Variants in PAPPA2 observed in about 807,000 individuals in gnomAD.
PAPPA2 encodes pappalysin 2.
In PAPPA2, 86 loss-of-function variants were observed where a neutral mutation model predicts 176.4. That is an observed-to-expected ratio of 0.49 (90% CI 0.41 to 0.58). The LOEUF is 0.58. Among genes scored for constraint, PAPPA2 ranks in the 20% least tolerant of loss-of-function variants. PAPPA2 has a pLI of 0.00. For synonymous variants in PAPPA2, 809 were observed against 852.2 expected (o/e 0.95, Z 0.88); for missense variants, 2,073 against 2,256.9 (o/e 0.92, Z 1.65).
At chr1:176,555,196 A>G in intron 1 of PAPPA2, among the ~76,000 whole-genome samples, 1 of 152,242 alleles carries the variant, frequency 6.6e-6, no homozygotes, top group South Asian at 2.1e-4. Context: ...GAAGGAGGGG[A>G]CAGGGAGGAG....
At chr1:176,633,172 A>C (rs1053240571) in intron 3 of PAPPA2, among the ~76,000 whole-genome samples, 2 of 152,210 alleles carry the variant, frequency 1.3e-5, no homozygotes, top group Non-Finnish European at 2.9e-5. Context: ...GTCAGAGTGC[A>C]TTATGAGAGT....
At chr1:176,528,007 C>G (rs1054876709) in intron 1 of PAPPA2, among the ~76,000 whole-genome samples, 4 of 152,338 alleles carry the variant, frequency 2.6e-5, no homozygotes, top group African/African-American at 9.6e-5. Flanking sequence ...AGTCCTGCAT[C>G]ATGGAAACCC....
chr1:176,639,558 T>C (rs369952316), intron 3 of PAPPA2, among the ~76,000 whole-genome samples: 6 of 152,230 alleles, frequency 3.9e-5, no homozygotes, highest in Admixed American at 3.3e-4. Context: ...TCTTCCATTT[T>C]CCCTGCCTAC....
intron 1 of PAPPA2, among the ~76,000 whole-genome samples, chr1:176,550,223 T>C (rs1650866702): frequency 6.6e-6 from 1 of 152,250 alleles, no homozygotes; most frequent in South Asian, 2.1e-4. Context: ...CTCAGTGTCC[T>C]CATCTGTAAG....
chr1:176,739,825 T>C, intron 13 of PAPPA2, 64 bp downstream of exon 13: 1 of 1,590,890 alleles, frequency 6.3e-7, no homozygotes, highest in Non-Finnish European at 8.6e-7. Flanking sequence ...AGAAGTCAGC[T>C]TGATGTCTGT....
intron 19 of PAPPA2, 88 bp downstream of exon 19, chr1:176,791,570 G>A (rs767629848): frequency 1.4e-6 from 2 of 1,440,188 alleles, no homozygotes; most frequent in Non-Finnish European, 1.9e-6. Context: ...ATTTATTTTT[G>A]TCAGACGGAG....
chr1:176,493,784 A>G (rs1647439059), intron 1 of PAPPA2, among the ~76,000 whole-genome samples: 1 of 152,212 alleles, frequency 6.6e-6, no homozygotes, highest in South Asian at 2.1e-4. Flanking sequence ...AATGGGAGAC[A>G]CACTTGGGCA....
At chr1:176,814,374 C>T (rs528083607) in intron 21 of PAPPA2, among the ~76,000 whole-genome samples, 1 of 152,122 alleles carries the variant, frequency 6.6e-6, no homozygotes, top group Non-Finnish European at 1.5e-5. Context: ...TTACGTTGGA[C>T]AGTATGACCA....
chr1:176,613,734 T>C (rs1342865767), intron 3 of PAPPA2, among the ~76,000 whole-genome samples: 1 of 152,188 alleles, frequency 6.6e-6, no homozygotes. Flanking sequence ...TAGATGATTC[T>C]GGGGAAGGAG....
At chr1:176,597,640 A>C (rs1654056817) in intron 3 of PAPPA2, among the ~76,000 whole-genome samples, 1 of 152,150 alleles carries the variant, frequency 6.6e-6, no homozygotes, top group Non-Finnish European at 1.5e-5. Flanking sequence ...CTATGTAACA[A>C]ACCTGCACGT....
chr1:176,752,865 T>C (rs563702653), intron 14 of PAPPA2, among the ~76,000 whole-genome samples: 2 of 152,340 alleles, frequency 1.3e-5, no homozygotes, highest in Admixed American at 1.3e-4. Context: ...ACACGAAAGA[T>C]GTCTTTAGCC....
intron 4 of PAPPA2, among the ~76,000 whole-genome samples, chr1:176,675,397 G>A (rs1458519642): frequency 6.6e-6 from 1 of 151,946 alleles, no homozygotes; most frequent in Non-Finnish European, 1.5e-5. Flanking sequence ...CTTTAATTAT[G>A]ATTAATATGT....
At chr1:176,696,567 G>C (rs1421507071) in intron 7 of PAPPA2, among the ~76,000 whole-genome samples, 1 of 152,024 alleles carries the variant, frequency 6.6e-6, no homozygotes, top group East Asian at 1.9e-4. Flanking sequence ...ATATTAATGC[G>C]CCTAAGACAA....
intron 12 of PAPPA2, among the ~76,000 whole-genome samples, chr1:176,739,249 C>T (rs1236742234): frequency 6.6e-6 from 1 of 152,118 alleles, no homozygotes; most frequent in African/African-American, 2.4e-5. Context: ...CCACTGTTTT[C>T]ACTTTGGCAA....
intron 12 of PAPPA2, among the ~76,000 whole-genome samples, chr1:176,720,015 C>G (rs992291319): frequency 3.9e-5 from 6 of 152,106 alleles, no homozygotes; most frequent in African/African-American, 1.4e-4. Flanking sequence ...GATTGAAGGA[C>G]CAGTAATGAA....
chr1:176,477,058 T>G (rs1201875568), intron 1 of PAPPA2, among the ~76,000 whole-genome samples: 2 of 152,200 alleles, frequency 1.3e-5, no homozygotes, highest in African/African-American at 4.8e-5. Flanking sequence ...TCTCATCCCA[T>G]TTAGCTTTTC....
intron 22 of PAPPA2, among the ~76,000 whole-genome samples, chr1:176,841,566 C>A (rs1240974769): frequency 6.6e-6 from 1 of 151,970 alleles, no homozygotes; most frequent in African/African-American, 2.4e-5. Flanking sequence ...AAAATCATTG[C>A]CACTTTTATA....
chr1:176,525,255 G>T (rs746158636), intron 1 of PAPPA2, among the ~76,000 whole-genome samples: 1 of 152,164 alleles, frequency 6.6e-6, no homozygotes, highest in African/African-American at 2.4e-5. Flanking sequence ...TCACTCAGTT[G>T]AGCAAGACTC....
At chr1:176,702,971 A>G (rs1189782735) in intron 9 of PAPPA2, among the ~76,000 whole-genome samples, 1 of 152,058 alleles carries the variant, frequency 6.6e-6, no homozygotes, top group Non-Finnish European at 1.5e-5. Context: ...ATAGTTATGG[A>G]GGAACCCACT....
Sources: gnomAD v4.1 joint callset for allele counts (sites outside exome capture counted in the v4.1 genomes callset) on GRCh38, gnomAD v4.1.1 for gene constraint, MANE v1.5 for transcripts, NCBI Gene and HGNC (gene_info 2026-07-23, HGNC 2026-07-21) for gene names.